ZC3H7A: variants seen among roughly 807,000 people sequenced by gnomAD.
ZC3H7A encodes the protein zinc finger CCCH domain-containing protein 7A.
ZC3H7A carries 44 observed loss-of-function variants against 125.5 expected under a neutral mutation model. The ratio of observed to expected loss-of-function variants is 0.35; its 90% CI spans 0.28 to 0.45. The LOEUF is 0.45. Among genes scored for constraint, ZC3H7A ranks in the 20% least tolerant of loss-of-function variants. The pLI is 1.00. For synonymous variants in ZC3H7A, 399 were observed against 391.2 expected (o/e 1.02, Z -0.23); for missense variants, 977 against 1,170.7 (o/e 0.83, Z 2.41).
At chr16:11,788,763 A>G (rs1204650662) in intron 1 of ZC3H7A, among the ~76,000 whole-genome samples, 2 of 151,850 alleles carry the variant, frequency 1.3e-5, no homozygotes, top group East Asian at 3.9e-4. Context: ...ACAGGTACGC[A>G]CCAGCACACC....
intron 16 of ZC3H7A, chr16:11,763,155 T>G (rs570305975): frequency 8.2e-6 from 2 of 244,352 alleles, no homozygotes; most frequent in African/African-American, 4.5e-5. Flanking sequence ...TCACCCAGAC[T>G]GGAGCGTAGT....
At chr16:11,794,943 C>T (rs959931062) in intron 1 of ZC3H7A, among the ~76,000 whole-genome samples, 4 of 152,128 alleles carry the variant, frequency 2.6e-5, no homozygotes, top group African/African-American at 9.7e-5. Context: ...GTCACAGTAA[C>T]ATGAAGAAAG....
At chr16:11,757,869 T>A (rs13336144) in intron 20 of ZC3H7A, among the ~76,000 whole-genome samples, 26,997 of 152,134 alleles carry the variant, frequency 0.18, 3,872 homozygotes, top group African/African-American at 0.4. Context: ...TTTCATCAGT[T>A]TACTTAAGAT....
Position 11,774,431 on chromosome 16 carries a change from T to C in ZC3H7A, c.708A>G (p.Ser236=). Residue 236 remains serine (S), a synonymous_variant, in exon 9 of 23, where the codon TCA becomes TCG. Transcript: ENST00000355758. ...FSHEVGSELA[S]VPVMPLTSIL... ...TAGAAGTTAAGGGCATAACAGGAAC[T>C]GAGGCCAGCTCACTTCCAACTTCAT... is the stretch of plus-strand genomic sequence containing the variant. 1.2e-6 allele frequency: 2 copies of C among 1,609,574 alleles called. No individual in the cohort carries two copies. Among genetic ancestry groups the C allele is most frequent in the Non-Finnish European group, 1.7e-6 (2 of 1,176,902 alleles).
rs759028034 is a variant in ZC3H7A, at chr16:11,774,323, T to C, written c.816A>G (p.Glu272=). The C allele has an allele frequency of 3.7e-6, 6 of 1,613,948 alleles. No homozygotes were observed. The African/African-American group carries it at 5.3e-5, about 14-fold the overall frequency. The change falls in exon 9 of 23, where the codon GAA becomes GAG. Residue 272 remains glutamate (E), a synonymous_variant. Transcript: ENST00000355758. The stretch of plus-strand genomic sequence containing the variant: ...CCATATCTCCATCATCTAGAAAAGC[T>C]TCTGGCATAGTGAAGGGCATCTTTC... ...NGGKMPFTMP[E]AFLDDGDMVL...
chr16:11,777,111 T>C (rs187268082), intron 4 of ZC3H7A, among the ~76,000 whole-genome samples: 2 of 152,348 alleles, frequency 1.3e-5, no homozygotes, highest in East Asian at 1.9e-4. Flanking sequence ...TGAATACCCA[T>C]GTACACACCA....
chr16:11,758,471 A>G lies in ZC3H7A; in HGVS notation c.2388T>C (p.Pro796=), dbSNP rs778634574. The G allele has an allele frequency of 1.2e-6, 2 of 1,613,828 alleles. No individual in the cohort carries two copies. ...YVGNCSFAHS[P]EEREVWTYMK... Reference sequence around the variant, plus strand: ...TGTAAGTCCAAACTTCTCTTTCCTCAGGACTATGAGCAAAGGAACAGTTTC... The same window carrying G: ...TGTAAGTCCAAACTTCTCTTTCCTCGGGACTATGAGCAAAGGAACAGTTTC... The change falls in exon 20 of 23, where the codon CCT becomes CCC. Residue 796 remains proline (P), a synonymous_variant. Transcript: ENST00000355758.
intron 17 of ZC3H7A, 26 bp downstream of exon 17, chr16:11,762,645 G>A: frequency 6.2e-7 from 1 of 1,610,194 alleles, no homozygotes; most frequent in Non-Finnish European, 8.5e-7. Flanking sequence ...GACACCAAAT[G>A]CAGAAAGTAC....
chr16:11,761,073 A>G (rs1032800687), intron 19 of ZC3H7A, among the ~76,000 whole-genome samples: 3 of 152,216 alleles, frequency 2.0e-5, no homozygotes, highest in Non-Finnish European at 4.4e-5. Context: ...TTTGGTATCA[A>G]ACCAAAGAAA....
chr16:11,768,259 T>C, intron 12 of ZC3H7A, 56 bp downstream of exon 12: 2 of 1,362,006 alleles, frequency 1.5e-6, no homozygotes, highest in South Asian at 2.2e-5. Flanking sequence ...TCCTAAGAAC[T>C]TTCAAGGTTA....
chr16:11,776,391 A>C, intron 6 of ZC3H7A, 33 bp from the exon 7 acceptor site: 1 of 1,606,610 alleles, frequency 6.2e-7, no homozygotes, highest in South Asian at 1.1e-5. Flanking sequence ...ATTTAAAAAC[A>C]GAACTGACTC....
At chr16:11,771,525 G>T (rs1274416459) in intron 9 of ZC3H7A, among the ~76,000 whole-genome samples, 2 of 151,102 alleles carry the variant, frequency 1.3e-5, no homozygotes, top group East Asian at 3.9e-4. Flanking sequence ...TTTTGAGACG[G>T]AGTCTCACTC....
chr16:11,781,346 C>G, intron 3 of ZC3H7A, 79 bp downstream of exon 3: 1 of 1,429,902 alleles, frequency 7.0e-7, no homozygotes, highest in Non-Finnish European at 9.7e-7. Context: ...ACAAGGCCAT[C>G]ATTTGCCAAC....
At chr16:11,764,468 G>C (rs1030501279) in intron 15 of ZC3H7A, among the ~76,000 whole-genome samples, 1 of 152,142 alleles carries the variant, frequency 6.6e-6, no homozygotes, top group Non-Finnish European at 1.5e-5. Flanking sequence ...AGAATCGCTT[G>C]AACTCGGGAG....
At position 11,763,600 on chromosome 16, in the gene ZC3H7A, T is replaced by C. The variant is rs370509546; in HGVS notation, c.1880A>G (p.His627Arg). The change falls in exon 16 of 23, where the codon CAT becomes CGT. Residue 627 changes from histidine to arginine, a missense_variant. By Grantham distance (29) the His-to-Arg change is conservative. This residue lies in a region of ZC3H7A where 436 missense variants were observed against 603.2 expected (regional missense o/e 0.72). Coordinates refer to ENST00000355758, the MANE Select transcript of ZC3H7A (RefSeq NM_014153.4). The part of the protein sequence containing the change: ...TVKYSKIRSF[H>R]GQCQLDLCRH... ...ACATAAATCAAGCTGACACTGACCA[T>C]GAAAAGAACGTATTTTGGAGTATTT... The C allele has an allele frequency of 1.2e-6, 2 of 1,609,692 alleles. No individual in the cohort carries two copies. Among genetic ancestry groups the C allele is most frequent in the Non-Finnish European group, 1.7e-6 (2 of 1,177,718 alleles).
chr16:11,793,049 C>T (rs916797485), intron 1 of ZC3H7A, among the ~76,000 whole-genome samples: 1 of 152,146 alleles, frequency 6.6e-6, no homozygotes, highest in African/African-American at 2.4e-5. Flanking sequence ...CTGGACATCA[C>T]TCCAGGGAAA....
intron 19 of ZC3H7A, among the ~76,000 whole-genome samples, chr16:11,760,260 C>T (rs1281324961): frequency 1.3e-5 from 2 of 151,874 alleles, no homozygotes; most frequent in Non-Finnish European, 2.9e-5. Flanking sequence ...AACCAATACT[C>T]TAAGCAGCTG....
chr16:11,790,732 T>G (rs1196144891), intron 1 of ZC3H7A, among the ~76,000 whole-genome samples: 2 of 151,552 alleles, frequency 1.3e-5, no homozygotes, highest in Admixed American at 6.6e-5. Flanking sequence ...AGAGATGAGG[T>G]TTCTTCATGT....
intron 9 of ZC3H7A, among the ~76,000 whole-genome samples, chr16:11,772,001 T>C (rs2052991748): frequency 6.6e-6 from 1 of 151,764 alleles, no homozygotes; most frequent in African/African-American, 2.4e-5. Flanking sequence ...AAGACCAACC[T>C]GGCCAAGATG....
Sources: gnomAD v4.1 joint callset for allele counts (sites outside exome capture counted in the v4.1 genomes callset) on GRCh38, gnomAD v4.1.1 for gene constraint, gnomAD v4.1.1 regional missense constraint, MANE v1.5 for transcripts, NCBI Gene and HGNC (gene_info 2026-07-23, HGNC 2026-07-21) for gene names.